TASP1: variants seen among roughly 807,000 people sequenced by gnomAD.
TASP1 encodes the protein taspase 1.
A neutral mutation model predicts 56.6 loss-of-function variants in TASP1; 16 were observed. The observed-to-expected ratio is 0.28, with a 90% CI of 0.19 to 0.43. The LOEUF is 0.43. TASP1 is among the 20% of genes least tolerant of loss of function. The pLI is 1.00. For synonymous variants in TASP1, 179 were observed against 184.2 expected, an observed-to-expected ratio of 0.97 and a Z score of 0.23; for missense variants, 393 against 511.6, an observed-to-expected ratio of 0.77 and a Z score of 2.24.
intron 8 of TASP1, among the ~76,000 whole-genome samples, chr20:13,536,194 G>C (rs2045410982): frequency 6.6e-6 from 1 of 152,072 alleles, no homozygotes; most frequent in Non-Finnish European, 1.5e-5. Flanking sequence ...AGCAATCTGG[G>C]AACTATCCAA....
chr20:13,504,225 A>G (rs1293267815), intron 10 of TASP1, among the ~76,000 whole-genome samples: 1 of 152,154 alleles, frequency 6.6e-6, no homozygotes, highest in Admixed American at 6.6e-5. Context: ...ATCACATACA[A>G]GAAAATTCCC....
intron 10 of TASP1, among the ~76,000 whole-genome samples, chr20:13,522,632 A>T (rs2044808953): frequency 6.6e-6 from 1 of 152,138 alleles, no homozygotes; most frequent in Non-Finnish European, 1.5e-5. Context: ...TTATATATAC[A>T]AGTGGAGATT....
intron 13 of TASP1, among the ~76,000 whole-genome samples, chr20:13,411,447 C>T (rs76350998): frequency 0.018 from 2,710 of 152,262 alleles, 77 homozygotes; most frequent in African/African-American, 0.06. Context: ...TCTGTGTCCT[C>T]TTCAATTACT....
the TASP1 span, among the ~76,000 whole-genome samples, chr20:13,155,184 T>C: frequency 1.5e-4 from 22 of 149,640 alleles, no homozygotes; most frequent in African/African-American, 5.2e-4. Context: ...TGAGACCCTG[T>C]CAAAAAAAAA....
chr20:13,489,564 T>C (rs1036502173), intron 10 of TASP1, among the ~76,000 whole-genome samples: 12 of 151,994 alleles, frequency 7.9e-5, no homozygotes, highest in Admixed American at 5.2e-4. Context: ...GAAAACACCA[T>C]CTGCTGAGGA....
At chr20:13,319,302 T>C in the TASP1 span, among the ~76,000 whole-genome samples, 1 of 152,080 alleles carries the variant, frequency 6.6e-6, no homozygotes. Context: ...TCCTGCTGCA[T>C]GAACTAGACA....
the TASP1 span, among the ~76,000 whole-genome samples, chr20:13,285,468 G>A: frequency 6.6e-6 from 1 of 152,196 alleles, no homozygotes; most frequent in African/African-American, 2.4e-5. Context: ...GTGCCCAGCT[G>A]TGTAGATGCT....
the TASP1 span, among the ~76,000 whole-genome samples, chr20:13,251,242 T>A: frequency 6.6e-6 from 1 of 152,212 alleles, no homozygotes; most frequent in Non-Finnish European, 1.5e-5. Flanking sequence ...GCTCCCTGCT[T>A]CCATTCCATC....
intron 11 of TASP1, among the ~76,000 whole-genome samples, chr20:13,469,998 G>A (rs943598453): frequency 1.3e-5 from 2 of 151,008 alleles, no homozygotes; most frequent in African/African-American, 4.9e-5. Flanking sequence ...TAGTAGAGAC[G>A]GGGTTTTCCC....
chr20:13,363,322 C>G, the TASP1 span, among the ~76,000 whole-genome samples: 1 of 152,196 alleles, frequency 6.6e-6, no homozygotes, highest in East Asian at 1.9e-4. Context: ...TAAAATTCCC[C>G]AAACTATGGG....
chr20:13,544,978 AG>A (rs2146968593), intron 8 of TASP1, among the ~76,000 whole-genome samples: 1 of 152,326 alleles, frequency 6.6e-6, no homozygotes, highest in East Asian at 1.9e-4. Context: ...TCCAGACTGT[AG>A]AAAAATATTT....
At chr20:13,376,676 C>A in the TASP1 span, among the ~76,000 whole-genome samples, 1 of 152,092 alleles carries the variant, frequency 6.6e-6, no homozygotes, top group Non-Finnish European at 1.5e-5. Context: ...GGCAGTATGA[C>A]CATTTTCACA....
chr20:13,168,413 C>T, the TASP1 span: 2 of 152,210 alleles, frequency 1.3e-5, no homozygotes, highest in Admixed American at 1.3e-4. Context: ...GAACTCCTGA[C>T]CTTAGGTGAT....
At chr20:13,389,377 A>G (rs972747815), downstream of TASP1, 1 of 152,238 alleles carries the variant, frequency 6.6e-6, no homozygotes, top group Admixed American at 6.5e-5. Context: ...AACAAAATAA[A>G]TAATAGCTCT....
At chr20:13,624,879 CTGT>C (rs140865043) in intron 3 of TASP1, among the ~76,000 whole-genome samples, 4,319 of 152,204 alleles carry the variant, frequency 0.028, 196 homozygotes, top group African/African-American at 0.092. Context: ...TGCCTTTAAG[CTGT>C]TTTCTCTATC....
the TASP1 span, among the ~76,000 whole-genome samples, chr20:13,266,870 G>T: frequency 6.6e-6 from 1 of 152,208 alleles, no homozygotes; most frequent in African/African-American, 2.4e-5. Context: ...TACTCAGTGA[G>T]TGAACTTGGT....
the TASP1 span, among the ~76,000 whole-genome samples, chr20:13,133,658 C>T: frequency 6.6e-6 from 1 of 152,104 alleles, no homozygotes; most frequent in Non-Finnish European, 1.5e-5. Context: ...CGCTTGAGCC[C>T]AGGAGGCGGA....
At chr20:13,444,492 G>C (rs1220984260) in intron 11 of TASP1, among the ~76,000 whole-genome samples, 1 of 151,922 alleles carries the variant, frequency 6.6e-6, no homozygotes, top group African/African-American at 2.4e-5. Context: ...GAAAATACTG[G>C]GGAAACGATG....
At chr20:13,613,453 A>G (rs1310740801) in intron 4 of TASP1, among the ~76,000 whole-genome samples, 5 of 152,152 alleles carry the variant, frequency 3.3e-5, no homozygotes, top group African/African-American at 9.7e-5. Context: ...ATCTGCCATT[A>G]TAAACACTCT....
Sources: gnomAD v4.1 joint callset for allele counts (sites outside exome capture counted in the v4.1 genomes callset) on GRCh38, gnomAD v4.1.1 for gene constraint, MANE v1.5 for transcripts, NCBI Gene and HGNC (gene_info 2026-07-23, HGNC 2026-07-21) for gene names.